DACH2: variants seen among roughly 807,000 people sequenced by gnomAD.
DACH2 encodes dachshund family transcription factor 2.
Under a neutral mutation model 35.8 loss-of-function variants are expected in DACH2, and 17 were observed. The observed-to-expected ratio is 0.48, with a 90% CI of 0.33 to 0.71. The LOEUF (loss-of-function observed/expected upper bound fraction) is 0.71. DACH2 is among the 30% of genes least tolerant of loss of function. The probability of loss-of-function intolerance (pLI) is 0.02; values close to 1 mark genes in which losing one functional copy is unlikely to be tolerated. For synonymous variants in DACH2, 195 were observed against 177.3 expected (o/e 1.10, Z -0.79); for missense variants, 469 against 472.7 (o/e 0.99, Z 0.07).
intron 7 of DACH2, among the ~76,000 whole-genome samples, chrX:86,798,027 G>C (rs2042256308): frequency 8.9e-6 from 1 of 112,347 alleles, no homozygotes; most frequent in African/African-American, 3.2e-5. Context: ...CATAGTATTG[G>C]AAAACATCTA....
chrX:86,359,906 C>T (rs1244689110), intron 1 of DACH2, among the ~76,000 whole-genome samples: 1 of 110,007 alleles, frequency 9.1e-6, no homozygotes, highest in Non-Finnish European at 1.9e-5. Flanking sequence ...CAGGGTTTTG[C>T]TCTGATGCTC....
chrX:86,492,190 A>G (rs1412220428), intron 2 of DACH2, among the ~76,000 whole-genome samples: 1 of 109,721 alleles, frequency 9.1e-6, no homozygotes, highest in East Asian at 2.9e-4. Context: ...TCATACTTTT[A>G]GTTTTTTTTT....
chrX:86,656,857 G>GTGTGTGTGTATATA (rs1333268452), intron 4 of DACH2, among the ~76,000 whole-genome samples: 28 of 66,745 alleles, frequency 4.2e-4, no homozygotes, highest in African/African-American at 1.9e-3. Flanking sequence ...GTGTGTGTGT[G>GTGTGTGTGTATATA]TATATATATA....
chrX:86,270,617 C>A (rs1037693298), intron 1 of DACH2, among the ~76,000 whole-genome samples: 1 of 112,136 alleles, frequency 8.9e-6, no homozygotes, highest in South Asian at 3.7e-4. Flanking sequence ...TCATTGATTT[C>A]GATGCTTCAA....
chrX:86,787,481 G>T (rs1200769964), intron 7 of DACH2, among the ~76,000 whole-genome samples: 2 of 110,455 alleles, frequency 1.8e-5, no homozygotes, highest in African/African-American at 3.3e-5. Flanking sequence ...AGCCAGGCAA[G>T]GTGGCATGCA....
chrX:86,372,465 C>A (rs1211304622), intron 1 of DACH2, among the ~76,000 whole-genome samples: 2 of 110,446 alleles, frequency 1.8e-5, no homozygotes, highest in East Asian at 5.8e-4. Flanking sequence ...TTGGAAATAA[C>A]ATAAATTCAA....
At chrX:86,640,422 A>C (rs2040331410) in intron 3 of DACH2, among the ~76,000 whole-genome samples, 1 of 111,577 alleles carries the variant, frequency 9.0e-6, no homozygotes, top group African/African-American at 3.3e-5. Context: ...ACGGTTCATA[A>C]CCAGACAGTA....
rs779990989 is a variant in DACH2, at chrX:86,500,818, G to C, written c.528-13461G>C. Among the ~76,000 whole-genome samples the C allele has an allele frequency of 1.6e-3, 177 of 112,096 alleles. 1 individual carries two copies. Among genetic ancestry groups the C allele is most frequent in the Non-Finnish European group, 3.0e-3 (158 of 53,232 alleles). On this transcript the variant is annotated intron_variant, in intron 2 of 11. Coordinates refer to ENST00000373125, the MANE Select transcript of DACH2 (RefSeq NM_053281.3). ...TTAGGGAAAATATAGTTGATAAGTT[G>C]TTAGATAGCCTCAACTCAAGGAGAG...
chrX:86,795,022 G>A (rs909713413), intron 7 of DACH2, among the ~76,000 whole-genome samples: 1 of 110,741 alleles, frequency 9.0e-6, no homozygotes, highest in Non-Finnish European at 1.9e-5. Flanking sequence ...CCAAGAAGAG[G>A]AAGTAATTTC....
intron 4 of DACH2, among the ~76,000 whole-genome samples, chrX:86,678,460 T>TGAGA (rs1459299116): frequency 8.9e-6 from 1 of 112,372 alleles, no homozygotes; most frequent in Non-Finnish European, 1.9e-5. Flanking sequence ...ACATTTACAA[T>TGAGA]TACTACAGTT....
At position 86,640,133 on chromosome X, in the gene DACH2, G is replaced by A. The variant is rs777465115; in HGVS notation, c.641-10903G>A. ...GAAAAGTGGCCAGATTGTTACATGC[G>A]TGCCTGTTCCCATATCTCCTCATCT... is the stretch of plus-strand genomic sequence containing the variant. On this transcript the variant is annotated intron_variant, in intron 3 of 11. Coordinates refer to ENST00000373125, the MANE Select transcript of DACH2 (RefSeq NM_053281.3). Among the ~76,000 whole-genome samples, 120 of 110,638 alleles carry A rather than the reference G, an allele frequency of 1.1e-3. No individual in the cohort carries two copies. The Middle Eastern group carries it at 0.028, about 26-fold the overall frequency.
chrX:86,385,910 A>G (rs1345354248), intron 2 of DACH2, among the ~76,000 whole-genome samples: 1 of 111,879 alleles, frequency 8.9e-6, no homozygotes, highest in East Asian at 2.8e-4. Context: ...AAAATAAAAT[A>G]CAGAAAGAAA....
chrX:86,507,964 G>A (rs2038348460), intron 2 of DACH2, among the ~76,000 whole-genome samples: 1 of 111,308 alleles, frequency 9.0e-6, no homozygotes, highest in African/African-American at 3.3e-5. Flanking sequence ...TTGAAGACTC[G>A]AAATGAAAGG....
chrX:86,437,533 A>G (rs1239749469), intron 2 of DACH2, among the ~76,000 whole-genome samples: 1 of 111,624 alleles, frequency 9.0e-6, no homozygotes, highest in African/African-American at 3.3e-5. Context: ...GAGGAAAAAT[A>G]TGAGATTTTT....
At chrX:86,662,336 G>T (rs1316070905) in intron 4 of DACH2, among the ~76,000 whole-genome samples, 6 of 111,960 alleles carry the variant, frequency 5.4e-5, no homozygotes, top group Non-Finnish European at 1.1e-4. Flanking sequence ...GCTCACGCCT[G>T]TAATCCCAGC....
intron 3 of DACH2, among the ~76,000 whole-genome samples, chrX:86,605,305 C>G (rs2039842887): frequency 9.0e-6 from 1 of 110,951 alleles, no homozygotes. Flanking sequence ...TCTTTTAGTG[C>G]TGGTCTGCTG....
At chrX:86,555,817 G>A (rs957271741) in intron 3 of DACH2, among the ~76,000 whole-genome samples, 11 of 111,395 alleles carry the variant, frequency 9.9e-5, no homozygotes, top group African/African-American at 3.3e-4. Context: ...GGTGGGTAAC[G>A]TGTCCATCCC....
intron 1 of DACH2, among the ~76,000 whole-genome samples, chrX:86,334,710 C>T (rs915840850): frequency 1.2e-4 from 13 of 111,717 alleles, no homozygotes; most frequent in Non-Finnish European, 1.7e-4. Context: ...CTGTAGGTTG[C>T]CTGTTCACTC....
intron 2 of DACH2, among the ~76,000 whole-genome samples, chrX:86,465,217 A>T (rs901956957): frequency 8.9e-6 from 1 of 112,294 alleles, no homozygotes; most frequent in South Asian, 3.7e-4. Context: ...AGAAGTAGAG[A>T]CAGAGATTTA....
Sources: allele counts gnomAD v4.1 joint callset (sites outside exome capture counted in the v4.1 genomes callset), GRCh38; gene constraint gnomAD v4.1.1; transcripts MANE v1.5; gene names NCBI Gene and HGNC (gene_info 2026-07-23, HGNC 2026-07-21).